The following PPP1R1C variants were observed in gnomAD, a reference collection of about 807,000 sequenced individuals.
PPP1R1C encodes protein phosphatase 1 regulatory subunit 1C.
A neutral mutation model predicts 17.4 loss-of-function variants in PPP1R1C; 15 were observed. The observed-to-expected ratio is 0.86, with a 90% confidence interval of 0.58 to 1.33. The LOEUF is 1.33. Ranked by LOEUF, PPP1R1C falls within the 40% of genes most tolerant of loss-of-function variation. PPP1R1C has a pLI of 0.00. For missense variants in PPP1R1C, 143 were observed against 130.0 expected (o/e 1.10, Z -0.48); for synonymous variants, 35 against 43.1 (o/e 0.81, Z 0.73).
intron 2 of PPP1R1C, among the ~76,000 whole-genome samples, chr2:182,015,927 C>T (rs1018886729): frequency 2.0e-5 from 3 of 152,162 alleles, no homozygotes; most frequent in African/African-American, 7.2e-5. Context: ...GCTGGTATCT[C>T]ACTAGGTCAT....
At chr2:182,116,405 G>A (rs888176831) in intron 4 of PPP1R1C, among the ~76,000 whole-genome samples, 2 of 152,140 alleles carry the variant, frequency 1.3e-5, no homozygotes, top group African/African-American at 4.8e-5. Flanking sequence ...GGGAATTGGG[G>A]TAGCCATCAG....
intron 1 of PPP1R1C, among the ~76,000 whole-genome samples, chr2:181,966,111 A>G (rs1380048293): frequency 1.3e-5 from 2 of 152,080 alleles, no homozygotes; most frequent in Admixed American, 6.5e-5. Context: ...CAGATTGTTC[A>G]CTGTTGGCAT....
chr2:181,957,373 A>G lies in PPP1R1C; in HGVS notation n.111+2739A>G, dbSNP rs529496043. On this transcript the variant is annotated intron_variant and non_coding_transcript_variant, in intron 1 of 5. Coordinates refer to the PPP1R1C transcript ENST00000464264. This position sits in a 1 kb window ranked among gnomAD's most constrained non-coding sequence, Gnocchi z 4.2. ...CTCTGTCTTAAAAAGAGAAGAAAAA[A>G]ATTGTGCTAACTCTTATCAAGCAAG... is the stretch of plus-strand genomic sequence containing the variant. Among the ~76,000 whole-genome samples the G allele has an allele frequency of 8.5e-5, 13 of 152,176 alleles. No individual in the cohort carries two copies. The highest frequency in any genetic ancestry group is 6.5e-4 in the Admixed American group (10 of 15,276).
intron 2 of PPP1R1C, among the ~76,000 whole-genome samples, chr2:182,014,175 T>C (rs1686176928): frequency 6.6e-6 from 1 of 152,182 alleles, no homozygotes; most frequent in African/African-American, 2.4e-5. Flanking sequence ...TACCTGTTCT[T>C]CTTGAGAAGG....
intron 2 of PPP1R1C, among the ~76,000 whole-genome samples, chr2:182,031,143 TC>T (rs1686821578): frequency 6.6e-6 from 1 of 152,178 alleles, no homozygotes; most frequent in Admixed American, 6.5e-5. Flanking sequence ...ACCCGGTACC[TC>T]AGATGGAAAT....
rs184403141 is a variant in PPP1R1C, at chr2:182,063,031, A to T, written c.181-700A>T. Among the ~76,000 whole-genome samples, 14 of 152,232 alleles carry T rather than the reference A, an allele frequency of 9.2e-5. No individual in the cohort carries two copies. In the East Asian group the frequency reaches 2.5e-3, roughly 27 times the overall value. On this transcript the variant is annotated intron_variant, in intron 3 of 4. Coordinates refer to ENST00000682840, the MANE Select transcript of PPP1R1C (RefSeq NM_001080545.3). ...TAAATGAATAATATGTATATCCATT[A>T]TATAGGGCTCTGTATCCTTATCTGT...
chr2:182,050,032 T>A (rs1390162774), intron 2 of PPP1R1C, among the ~76,000 whole-genome samples: 6 of 152,254 alleles, frequency 3.9e-5, no homozygotes, highest in African/African-American at 7.2e-5. Flanking sequence ...TAGTTCTGAA[T>A]GTCTCTGCTC....
At chr2:182,110,770 A>G (rs1689393432) in intron 4 of PPP1R1C, among the ~76,000 whole-genome samples, 1 of 152,118 alleles carries the variant, frequency 6.6e-6, no homozygotes, top group African/African-American at 2.4e-5. Context: ...ATTGTGTTCA[A>G]TCAATTGCAG....
Position 181,957,040 on chromosome 2 carries a change from A to G in PPP1R1C, n.111+2406A>G, listed in dbSNP as rs1474618972. Among the ~76,000 whole-genome samples the G allele has an allele frequency of 2.0e-5, 3 of 152,300 alleles. No homozygotes were observed. In the East Asian group the frequency reaches 5.8e-4, roughly 29 times the overall value. On this transcript the variant is annotated intron_variant and non_coding_transcript_variant, in intron 1 of 5. Coordinates refer to the PPP1R1C transcript ENST00000464264. The surrounding 1 kb of genome is among the most constrained non-coding windows in gnomAD (Gnocchi z 4.2). ...ATCAGCTGTTTTAATTTAAATAAGT[A>G]TGCATGTGCTTTGCCACTGGATAAT...
intron 2 of PPP1R1C, among the ~76,000 whole-genome samples, chr2:182,005,509 GA>G (rs941655067): frequency 6.6e-6 from 1 of 152,100 alleles, no homozygotes; most frequent in Admixed American, 6.6e-5. Flanking sequence ...CAATTTTTAG[GA>G]AAGTGAGCAT....
chr2:182,085,201 G>A (rs1288059016), intron 4 of PPP1R1C, among the ~76,000 whole-genome samples: 2 of 152,086 alleles, frequency 1.3e-5, no homozygotes, highest in African/African-American at 4.8e-5. Flanking sequence ...CATATCATTA[G>A]CAAACAGAGA....
chr2:182,060,020 G>C (rs1329285099), intron 2 of PPP1R1C, among the ~76,000 whole-genome samples: 1 of 152,056 alleles, frequency 6.6e-6, no homozygotes, highest in African/African-American at 2.4e-5. Flanking sequence ...TAATAATAAT[G>C]TGATAGCAAA....
At chr2:182,100,215 T>C (rs1306138185) in intron 4 of PPP1R1C, among the ~76,000 whole-genome samples, 1 of 152,068 alleles carries the variant, frequency 6.6e-6, no homozygotes, top group Non-Finnish European at 1.5e-5. Flanking sequence ...CCAGGGAAGA[T>C]ATAAGACAGA....
chr2:181,990,147 T>TA (rs1559047552), intron 2 of PPP1R1C, among the ~76,000 whole-genome samples: 1 of 123,462 alleles, frequency 8.1e-6, no homozygotes, highest in East Asian at 4.0e-4. Context: ...TTCTTTTCTT[T>TA]CTTTTTTTTT....
intron 2 of PPP1R1C, among the ~76,000 whole-genome samples, chr2:181,996,663 G>A (rs1295416833): frequency 6.6e-6 from 1 of 152,112 alleles, no homozygotes; most frequent in African/African-American, 2.4e-5. Context: ...GGAAAAAAAG[G>A]ACTGTGCAAA....
upstream of PPP1R1C, among the ~76,000 whole-genome samples, chr2:181,985,319 G>A (rs713094): frequency 0.26 from 39,883 of 152,126 alleles, 5,460 homozygotes; most frequent in African/African-American, 0.3. This position sits in a 1 kb window ranked among gnomAD's most constrained non-coding sequence, Gnocchi z 4.1. Context: ...TGATGGAAGT[G>A]TGGAGGCCTA....
At chr2:182,101,441 C>T (rs1415368907) in intron 4 of PPP1R1C, among the ~76,000 whole-genome samples, 2 of 152,128 alleles carry the variant, frequency 1.3e-5, no homozygotes, top group African/African-American at 4.8e-5. Flanking sequence ...CCATGAAATA[C>T]ATTTTACCTC....
chr2:182,002,932 C>CCCCCCCCCCCCA, intron 2 of PPP1R1C, among the ~76,000 whole-genome samples: 1 of 133,192 alleles, frequency 7.5e-6, no homozygotes, highest in Middle Eastern at 3.7e-3. Context: ...CATAAACCTC[C>CCCCCCCCCCCCA]CCCCCCCCAC....
intron 2 of PPP1R1C, among the ~76,000 whole-genome samples, chr2:182,027,422 G>A (rs532266522): frequency 0.021 from 2,510 of 117,880 alleles, 208 homozygotes; most frequent in Admixed American, 0.16. Flanking sequence ...TAGCATGAAG[G>A]GTTGTTGAAT....
Sources: gnomAD v4.1 joint callset for allele counts (sites outside exome capture counted in the v4.1 genomes callset) on GRCh38, gnomAD v4.1.1 for gene constraint, Gnocchi (gnomAD v3.1) non-coding constraint, MANE v1.5 for transcripts, NCBI Gene and HGNC (gene_info 2026-07-23, HGNC 2026-07-21) for gene names.